The following GPRC5C variants were observed in gnomAD, a reference collection of about 807,000 sequenced individuals.
GPRC5C encodes the protein G protein-coupled receptor family C group 5 member C.
A neutral mutation model predicts 31.4 loss-of-function variants in GPRC5C; 22 were observed. That is an observed-to-expected ratio of 0.70 (90% CI 0.50 to 1.00). The LOEUF is 1.00. Among genes scored for constraint, GPRC5C ranks in the 50% least tolerant of loss-of-function variants. The pLI, the probability that GPRC5C is intolerant of heterozygous loss-of-function variation, is 0.00. For synonymous variants in GPRC5C, 249 were observed against 257.5 expected, an observed-to-expected ratio of 0.97 and a Z score of 0.32; for missense variants, 557 against 597.2, an observed-to-expected ratio of 0.93 and a Z score of 0.70.
Position 74,447,086 on chromosome 17 carries a change from C to T in GPRC5C, c.*58C>T, listed in dbSNP as rs559467805. 611 of 1,562,758 alleles carry T rather than the reference C, an allele frequency of 3.9e-4. 9 individuals are homozygous for T. The South Asian group carries it at 6.9e-3, about 18-fold the overall frequency. On this transcript the variant is annotated 3_prime_UTR_variant, in exon 4 of 4. Coordinates refer to ENST00000392627, the MANE Select transcript of GPRC5C (RefSeq NM_022036.4). ...GGGGAGGGCCCTGAGGACCTGGCCC[C>T]GGGCAAGGGACTCTCCAGGCTCCTC...
At chr17:74,445,760 TAGGAGCCGGAAC>T (rs2055617083) in intron 3 of GPRC5C, 1 of 152,072 alleles carries the variant, frequency 6.6e-6, no homozygotes. Flanking sequence ...TCCTCCAGCA[TAGGAGCCGGAAC>T]AGGTACCTCA....
rs541071956 is a variant in GPRC5C at position 74,440,739 on chromosome 17, C to T, written c.963C>T (p.Gly321=). ...AGGGGGACATGTACCCCACCCGGGG[C>T]GTGGGCTATGAGACCATCCTGAAAG... ...SYQGDMYPTR[G]VGYETILKEQ... Residue 321 remains glycine, a synonymous_variant, in exon 2 of 4, where the codon GGC becomes GGT. Transcript: ENST00000392627. The surrounding 1 kb of genome is among the most constrained non-coding windows in gnomAD (Gnocchi z 4.4). 1.3e-5 allele frequency: 21 copies of T among 1,597,968 alleles called. No homozygotes were observed. Among genetic ancestry groups the T allele is most frequent in the Middle Eastern group, 1.7e-4 (1 of 6,014 alleles).
Position 74,440,125 on chromosome 17 carries a change from G to A in GPRC5C, c.349G>A (p.Ala117Thr). The A allele has an allele frequency of 6.2e-7, 1 of 1,614,148 alleles. No individual in the cohort carries two copies. Among genetic ancestry groups the A allele is most frequent in the Non-Finnish European group, 8.5e-7 (1 of 1,180,026 alleles). The stretch of plus-strand genomic sequence containing the variant: ...GGTGAAGCCCGACTTCTCCACCTGT[G>A]CCTCTCGGCGCTTCCTCTTTGGGGT... ...CVVKPDFSTCASRRFLFGVLF... is the reference protein window; with the variant it reads ...CVVKPDFSTCTSRRFLFGVLF... The change falls in exon 2 of 4, where the codon GCC becomes ACC. Residue 117 changes from alanine to threonine, a missense_variant. Transcript: ENST00000392627. This position sits in a 1 kb window ranked among gnomAD's most constrained non-coding sequence, Gnocchi z 4.4.
In GPRC5C at chr17:74,439,686, A is replaced by G. The variant is rs185679997; in HGVS notation, c.-32-59A>G. The G allele has an allele frequency of 2.9e-5, 43 of 1,484,570 alleles. No individual in the cohort carries two copies. In the African/African-American group the frequency reaches 5.3e-4, roughly 18 times the overall value. The allele number at this position is 1,484,570 out of a possible 1,614,324, so 92.0% of individuals were successfully genotyped here. On this transcript the variant is annotated intron_variant, in intron 1 of 3. Coordinates refer to ENST00000392627, the MANE Select transcript of GPRC5C (RefSeq NM_022036.4). The stretch of plus-strand genomic sequence containing the variant: ...GGTTTAGGTTGGGGGAAGCAGCACC[A>G]TGTATATTGGAGTCTGATCTTGGAG...
chr17:74,439,979 CCAT>C lies in GPRC5C; in HGVS notation c.208_210del (p.Ile70del). ...GGCATTGTCACCACGTTTGTGCTCACCATCATCCTGGTGGCCAGCCTCCCCTTT... is the reference window on the plus strand; with the variant it reads ...GGCATTGTCACCACGTTTGTGCTCACCATCCTGGTGGCCAGCCTCCCCTTT... On this transcript the variant is annotated inframe_deletion, in exon 2 of 4. Coordinates refer to ENST00000392627, the MANE Select transcript of GPRC5C (RefSeq NM_022036.4). The C allele has an allele frequency of 6.2e-7, 1 of 1,610,138 alleles. No homozygotes were observed. Among genetic ancestry groups the C allele is most frequent in the Non-Finnish European group, 8.5e-7 (1 of 1,180,014 alleles).
chr17:74,443,847 T>C lies in GPRC5C; in HGVS notation c.1081T>C (p.Tyr361His). ...AKRPVSPYSGYNGQLLTSVYQ... is the reference protein window; with the variant it reads ...AKRPVSPYSGHNGQLLTSVYQ... Reference sequence around the variant, plus strand: ...GAGGCCGGTGTCACCATACAGCGGGTACAATGGGCAGCTGCTGACCAGTGT... The same window carrying C: ...GAGGCCGGTGTCACCATACAGCGGGCACAATGGGCAGCTGCTGACCAGTGT... The change falls in exon 3 of 4, where the codon TAC (tyrosine) becomes CAC (histidine). Residue 361 changes from tyrosine to histidine, a missense_variant. By Grantham distance (83) the Tyr-to-His change is moderately conservative. Coordinates refer to ENST00000392627, the MANE Select transcript of GPRC5C (RefSeq NM_022036.4). 1 of 1,613,470 alleles carries C rather than the reference T, an allele frequency of 6.2e-7. No homozygotes were observed. Among genetic ancestry groups the C allele is most frequent in the Admixed American group, 1.7e-5 (1 of 59,982 alleles).
In GPRC5C at chr17:74,438,254, TG is replaced by T. The variant is rs1223843335; in HGVS notation, c.-32-1490del. Among the ~76,000 whole-genome samples, 514 of 107,292 alleles carry T rather than the reference TG, an allele frequency of 4.8e-3. 4 individuals carry two copies. Among genetic ancestry groups the T allele is most frequent in the African/African-American group, 0.025 (402 of 15,918 alleles). The allele number at this position is 107,292 out of a possible 152,430, so 70.4% of individuals were successfully genotyped here. A position where few individuals can be genotyped will look rare whatever the true frequency, so the allele number is the denominator to read the frequency against. On this transcript the variant is annotated intron_variant, in intron 1 of 3. Coordinates refer to ENST00000392627, the MANE Select transcript of GPRC5C (RefSeq NM_022036.4). Reference sequence around the variant, plus strand: ...ATATATATATATATATATATATATTTGTTGTTGTTGTTGTTGTTTGTTTTCA... The same window carrying T: ...ATATATATATATATATATATATATTTTTGTTGTTGTTGTTGTTTGTTTTCA...
intron 1 of GPRC5C, among the ~76,000 whole-genome samples, chr17:74,435,330 A>G (rs1302843000): frequency 2.0e-4 from 31 of 152,218 alleles, no homozygotes; most frequent in Admixed American, 2.0e-3. Flanking sequence ...TGTCCTAGGC[A>G]GTGGATGAGA....
rs2055356582 is a variant in GPRC5C, at chr17:74,432,098, A to G, written c.-76A>G. ...CACGCCGGCAGGGCCAGAAACTCCC[A>G]TCTCCCTCACCAGCCGGAAAGTACG... is the stretch of plus-strand genomic sequence containing the variant. On this transcript the variant is annotated 5_prime_UTR_variant, in exon 1 of 4. Coordinates refer to ENST00000392627, the MANE Select transcript of GPRC5C (RefSeq NM_022036.4). 6.2e-7 allele frequency: 1 copy of G among 1,613,308 alleles called. No homozygotes were observed. The highest frequency in any genetic ancestry group is 8.5e-7 in the Non-Finnish European group (1 of 1,179,816).
In GPRC5C at chr17:74,432,089, G is replaced by A; in HGVS notation, c.-85G>A. 1 of 1,613,490 alleles carries A rather than the reference G, an allele frequency of 6.2e-7. No individual in the cohort carries two copies. Among genetic ancestry groups the A allele is most frequent in the Non-Finnish European group, 8.5e-7 (1 of 1,179,890 alleles). Reference sequence around the variant, plus strand: ...AACAACCCACACGCCGGCAGGGCCAGAAACTCCCATCTCCCTCACCAGCCG... The same window carrying A: ...AACAACCCACACGCCGGCAGGGCCAAAAACTCCCATCTCCCTCACCAGCCG... On this transcript the variant is annotated 5_prime_UTR_variant, in exon 1 of 4. Transcript: ENST00000392627.
chr17:74,433,555 G>T (rs1019510222), intron 1 of GPRC5C: 2 of 697,654 alleles, frequency 2.9e-6, no homozygotes, highest in Non-Finnish European at 5.2e-6. Context: ...GCACAGAGGG[G>T]TGAGACAGTG....
chr17:74,433,627 C>G (rs1474161384), intron 1 of GPRC5C: 4 of 1,182,480 alleles, frequency 3.4e-6, no homozygotes, highest in Non-Finnish European at 5.1e-6. Flanking sequence ...GTCAGTCGGG[C>G]CATCGTCTTT....
intron 2 of GPRC5C, among the ~76,000 whole-genome samples, chr17:74,442,830 T>TGGG (rs139884297): frequency 6.6e-6 from 1 of 151,792 alleles, no homozygotes; most frequent in African/African-American, 2.4e-5. Context: ...ACGGTGTGCA[T>TGGG]GGCGGGGGTG....
At chr17:74,450,912 A>T (rs2055707671), downstream of GPRC5C, 1 of 152,202 alleles carries the variant, frequency 6.6e-6, no homozygotes, top group South Asian at 2.1e-4. Flanking sequence ...AGCTCTCTGG[A>T]GAGGTGCCCT....
chr17:74,434,013 C>T (rs553738419), intron 1 of GPRC5C, among the ~76,000 whole-genome samples: 9 of 152,312 alleles, frequency 5.9e-5, no homozygotes, highest in Non-Finnish European at 1.2e-4. Context: ...CACCAGGCCT[C>T]TGCGCCCCCT....
intron 1 of GPRC5C, among the ~76,000 whole-genome samples, chr17:74,435,448 G>T (rs1375590972): frequency 3.3e-5 from 5 of 152,200 alleles, no homozygotes; most frequent in Non-Finnish European, 7.4e-5. Context: ...TTCAGGATGG[G>T]ACCAGGTTGT....
intron 1 of GPRC5C, chr17:74,432,420 C>G (rs1462384872): frequency 5.2e-6 from 6 of 1,143,680 alleles, no homozygotes; most frequent in Admixed American, 5.0e-5. Flanking sequence ...CCGGGCCTGG[C>G]CCAGCGCCCC....
At chr17:74,438,327 C>A (rs1346380409) in intron 1 of GPRC5C, among the ~76,000 whole-genome samples, 1 of 148,524 alleles carries the variant, frequency 6.7e-6, no homozygotes, top group Non-Finnish European at 1.5e-5. Context: ...GTGGCGCAGT[C>A]TTGGCTCACT....
intron 1 of GPRC5C, among the ~76,000 whole-genome samples, chr17:74,439,095 T>G (rs2055486271): frequency 6.6e-6 from 1 of 152,232 alleles, no homozygotes. Context: ...ACTCCTTAGC[T>G]GGGGACTTCG....
Sources: allele counts gnomAD v4.1 joint callset (sites outside exome capture counted in the v4.1 genomes callset), GRCh38; gene constraint gnomAD v4.1.1; non-coding constraint Gnocchi (gnomAD v3.1); transcripts MANE v1.5; gene names NCBI Gene and HGNC (gene_info 2026-07-23, HGNC 2026-07-21).